Variants in MIER1 observed in about 807,000 individuals in gnomAD.
MIER1 encodes the protein mesoderm induction early response protein 1.
A neutral mutation model predicts 75.7 loss-of-function variants in MIER1; 40 were observed. That is an observed-to-expected ratio of 0.53 (90% CI 0.41 to 0.69). The LOEUF is 0.69. Ranked by LOEUF, MIER1 falls within the 30% of genes least tolerant of loss-of-function variation. The probability of loss-of-function intolerance (pLI) is 0.00; values close to 1 mark genes in which losing one functional copy is unlikely to be tolerated. For missense variants in MIER1, 574 were observed against 680.2 expected (o/e 0.84, Z 1.74); for synonymous variants, 213 against 223.4 (o/e 0.95, Z 0.42).
chr1:66,972,127 A>T (rs1663733346), intron 10 of MIER1, among the ~76,000 whole-genome samples: 1 of 150,950 alleles, frequency 6.6e-6, no homozygotes, highest in African/African-American at 2.4e-5. Flanking sequence ...AAGCAAACAT[A>T]ATTCATCAGT....
intron 4 of MIER1, chr1:66,947,809 C>A: frequency 4.5e-6 from 2 of 447,316 alleles, no homozygotes; most frequent in Non-Finnish European, 5.9e-6. Flanking sequence ...ATCACACTAC[C>A]TCTGTTATAG....
intron 8 of MIER1, among the ~76,000 whole-genome samples, chr1:66,970,231 TGTGAAA>T (rs1434099207): frequency 6.6e-6 from 1 of 152,256 alleles, no homozygotes; most frequent in Non-Finnish European, 1.5e-5. Context: ...GACTTGTTTT[TGTGAAA>T]GTGATTTATA....
At position 66,988,362 on chromosome 1, in the gene MIER1, A is replaced by AAT; in HGVS notation, c.*3463_*3464dup. 1 of 152,408 alleles carries AAT rather than the reference A, an allele frequency of 6.6e-6. No homozygotes were observed. Among genetic ancestry groups the AAT allele is most frequent in the Non-Finnish European group, 1.5e-5 (1 of 68,010 alleles). 9.4% of individuals were successfully genotyped at this position (152,408 alleles called of 1,614,324 possible). On this transcript the variant is annotated 3_prime_UTR_variant, in exon 14 of 14. Transcript: ENST00000401041. ...TTAATATCAAGTTCATCCTTTGCAG[A>AAT]ATCTTAAAGGGTTTTCCACACATCC...
chr1:66,934,393 TTTTC>T (rs1209094383), intron 2 of MIER1, among the ~76,000 whole-genome samples: 4 of 138,676 alleles, frequency 2.9e-5, no homozygotes, highest in Admixed American at 8.3e-5. Context: ...CTTATTTTCT[TTTTC>T]TTTCTTTCTT....
intron 2 of MIER1, among the ~76,000 whole-genome samples, chr1:66,934,535 A>C (rs942945051): frequency 6.6e-6 from 1 of 150,638 alleles, no homozygotes; most frequent in African/African-American, 2.4e-5. Flanking sequence ...GAGCCTCTCA[A>C]GTAGCTGGGA....
rs934954533 is a variant in MIER1, at chr1:66,925,184, C to A, written c.67+89C>A. 1.1e-5 allele frequency: 16 copies of A among 1,468,752 alleles called. No individual in the cohort carries two copies. In the Admixed American group the frequency reaches 4.2e-4, roughly 38 times the overall value. The allele number at this position is 1,468,752 out of a possible 1,614,324, so 91.0% of individuals were successfully genotyped here. A position where few individuals can be genotyped will look rare whatever the true frequency, so the allele number is the denominator to read the frequency against. On this transcript the variant is annotated intron_variant, in intron 1 of 13. Transcript: ENST00000401041. ...AGGTGTCCTCAGTCCCCTTTCTCTC[C>A]TTCCCCTCCCCCACGGCAGTGTACC...
chr1:66,946,690 G>A (rs1657730281), intron 4 of MIER1: 1 of 988,818 alleles, frequency 1.0e-6, no homozygotes, highest in Non-Finnish European at 1.2e-6. Context: ...ACTACATAAA[G>A]TGCTCTAGAT....
chr1:66,976,791 T>G (rs927703912), intron 12 of MIER1, 69 bp downstream of exon 12: 12 of 1,291,374 alleles, frequency 9.3e-6, no homozygotes, highest in Non-Finnish European at 1.2e-5. Flanking sequence ...TTTCTTGAGT[T>G]AATTATTATT....
chr1:66,938,378 A>G (rs1389687598), intron 2 of MIER1, among the ~76,000 whole-genome samples: 2 of 152,172 alleles, frequency 1.3e-5, no homozygotes, highest in Non-Finnish European at 2.9e-5. Context: ...TCCAGTGTTC[A>G]TAAGTCTTAT....
In MIER1 at chr1:66,985,384, T is replaced by C. The variant is rs1247313706; in HGVS notation, c.*484T>C. 1.0e-6 allele frequency: 1 copy of C among 984,326 alleles called. No homozygotes were observed. The highest frequency in any genetic ancestry group is 1.2e-6 in the Non-Finnish European group (1 of 828,906). 61.0% of individuals were successfully genotyped at this position (984,326 alleles called of 1,614,324 possible). A position where few individuals can be genotyped will look rare whatever the true frequency, so the allele number is the denominator to read the frequency against. ...CAGACATTTTTCTCACCAAACAGTT[T>C]GAGTATCTTTATTAAGGAAACCCTT... On this transcript the variant is annotated 3_prime_UTR_variant, in exon 14 of 14. Transcript: ENST00000401041.
chr1:66,928,220 T>TA (rs964473481), intron 2 of MIER1, among the ~76,000 whole-genome samples: 4 of 152,060 alleles, frequency 2.6e-5, no homozygotes, highest in Admixed American at 6.5e-5. Context: ...TTAATAAACT[T>TA]AAAGAGTTAT....
intron 12 of MIER1, among the ~76,000 whole-genome samples, chr1:66,979,778 T>TA (rs1558117329): frequency 6.6e-6 from 1 of 151,628 alleles, no homozygotes; most frequent in Non-Finnish European, 1.5e-5. Context: ...TTTTTTTTTT[T>TA]AAAGACGGAG....
At position 66,984,779 on chromosome 1, in the gene MIER1, A is replaced by G; in HGVS notation, c.1577A>G (p.Glu526Gly). Reference protein sequence around the residue: ...RNENDFDEKSERPAKRRRVNS... With the variant: ...RNENDFDEKSGRPAKRRRVNS... ...GAAAATGATTTTGATGAAAAAAGTG[A>G]GAGACCTGCCAAAAGGCGAAGGGTA... The change falls in exon 14 of 14, where the codon GAG becomes GGG. Residue 526 changes from glutamate (E) to glycine (G), a missense_variant. Physicochemically the swap from Glu to Gly is moderately conservative, Grantham distance 98. Coordinates refer to ENST00000401041, the MANE Select transcript of MIER1 (RefSeq NM_001077700.3). 1 of 1,614,066 alleles carries G rather than the reference A, an allele frequency of 6.2e-7. No homozygotes were observed. The highest frequency in any genetic ancestry group is 8.5e-7 in the Non-Finnish European group (1 of 1,179,944).
At chr1:66,936,596 C>T (rs1654898282) in intron 2 of MIER1, among the ~76,000 whole-genome samples, 1 of 151,954 alleles carries the variant, frequency 6.6e-6, no homozygotes, top group Non-Finnish European at 1.5e-5. Flanking sequence ...GTTGTGGGTT[C>T]TCCAGGAAGG....
rs1159851218 is a variant in MIER1 at position 66,981,883 on chromosome 1, A to C, written c.1334A>C (p.Lys445Thr). 2 of 1,613,984 alleles carry C rather than the reference A, an allele frequency of 1.2e-6. No individual in the cohort carries two copies. The highest frequency in any genetic ancestry group is 2.2e-5 in the South Asian group (2 of 91,078). ...ASNSSNSQSEKEDGTVSTANQ... is the reference protein window; with the variant it reads ...ASNSSNSQSETEDGTVSTANQ... ...AACAGTAGTAACAGCCAGTCTGAGAAAGAAGATGGCACTGTAAGCACTGCT... is the reference window on the plus strand; with the variant it reads ...AACAGTAGTAACAGCCAGTCTGAGACAGAAGATGGCACTGTAAGCACTGCT... The change falls in exon 13 of 14, where the codon AAA becomes ACA. Residue 445 changes from lysine to threonine, a missense_variant. Lys to Thr is a moderately conservative substitution (Grantham distance 78, BLOSUM62 -1). Transcript: ENST00000401041.
At chr1:66,969,545 CAAAAAAA>C (rs35924256) in intron 8 of MIER1, among the ~76,000 whole-genome samples, 53 of 63,540 alleles carry the variant, frequency 8.3e-4, no homozygotes, top group African/African-American at 2.6e-3. Flanking sequence ...ACTTCGTCTC[CAAAAAAA>C]AAAAAAAAAA....
chr1:66,981,722 A>T, intron 12 of MIER1, 57 bp from the exon 13 acceptor site: 2 of 1,412,516 alleles, frequency 1.4e-6, no homozygotes, highest in Non-Finnish European at 1.9e-6. Flanking sequence ...ATTTAACCTC[A>T]ACTAATTTTT....
chr1:66,955,782 A>G (rs1489849683), intron 4 of MIER1, among the ~76,000 whole-genome samples: 4 of 152,268 alleles, frequency 2.6e-5, no homozygotes, highest in Admixed American at 1.3e-4. Flanking sequence ...CCTTATTCAT[A>G]CTAGTGACTT....
intron 4 of MIER1, among the ~76,000 whole-genome samples, chr1:66,957,587 G>GTTTT (rs770503779): frequency 1.6e-4 from 16 of 99,246 alleles, no homozygotes; most frequent in East Asian, 1.2e-3. Context: ...GTTTGTTTGT[G>GTTTT]TTTTTTTTTT....
Sources: gnomAD v4.1 joint callset for allele counts (sites outside exome capture counted in the v4.1 genomes callset) on GRCh38, gnomAD v4.1.1 for gene constraint, MANE v1.5 for transcripts, NCBI Gene and HGNC (gene_info 2026-07-23, HGNC 2026-07-21) for gene names.